EIF5A2: variants seen among roughly 807,000 people sequenced by gnomAD.
The protein encoded by EIF5A2 is eukaryotic translation initiation factor 5A-2.
EIF5A2 carries 15 observed loss-of-function variants against 16.4 expected under a neutral mutation model. The ratio of observed to expected loss-of-function variants is 0.92; its 90% confidence interval spans 0.61 to 1.41. The LOEUF is 1.41. Among genes scored for constraint, EIF5A2 ranks in the 40% most tolerant of loss-of-function variants. The pLI, the probability that EIF5A2 is intolerant of heterozygous loss-of-function variation, is 0.00. For synonymous variants in EIF5A2, 48 were observed against 61.1 expected, an observed-to-expected ratio of 0.79 and a Z score of 1.00; for missense variants, 144 against 189.5, an observed-to-expected ratio of 0.76 and a Z score of 1.41.
rs1485305689 is a variant in EIF5A2, at chr3:170,890,445, G to A, written c.*2915C>T. 6.6e-6 allele frequency: 1 copy of A among 152,028 alleles called. No individual in the cohort carries two copies. The highest frequency in any genetic ancestry group is 2.4e-5 in the African/African-American group (1 of 41,398). 9.4% of individuals were successfully genotyped at this position (152,028 alleles called of 1,614,324 possible). A position where few individuals can be genotyped will look rare whatever the true frequency, so the allele number is the denominator to read the frequency against. On this transcript the variant is annotated 3_prime_UTR_variant, in exon 5 of 5. Coordinates refer to ENST00000295822, the MANE Select transcript of EIF5A2 (RefSeq NM_020390.6). ...GACTTGTATCATTAAGGGAAACAGA[G>A]TCAAGAGCTTGGTTAGCAACAGTTT...
At chr3:170,893,505 T>C in intron 4 of EIF5A2, 86 bp from the exon 5 acceptor site, 1 of 1,418,566 alleles carries the variant, frequency 7.0e-7, no homozygotes, top group Non-Finnish European at 9.7e-7. Context: ...TGTATATTTG[T>C]GGATATTTTG....
intron 3 of EIF5A2, among the ~76,000 whole-genome samples, chr3:170,905,905 T>G (rs1472077293): frequency 6.6e-6 from 1 of 152,028 alleles, no homozygotes; most frequent in Non-Finnish European, 1.5e-5. Flanking sequence ...AAAAACCCAC[T>G]TGCAAGACAA....
At position 170,889,787 on chromosome 3, in the gene EIF5A2, A is replaced by G. The variant is rs1346285048; in HGVS notation, c.*3573T>C. 2 of 152,472 alleles carry G rather than the reference A, an allele frequency of 1.3e-5. No individual in the cohort carries two copies. Among genetic ancestry groups the G allele is most frequent in the Admixed American group, 1.3e-4 (2 of 15,262 alleles). The allele number at this position is 152,472 out of a possible 1,614,324, so 9.4% of individuals were successfully genotyped here. A position where few individuals can be genotyped will look rare whatever the true frequency, so the allele number is the denominator to read the frequency against. ...TACATCAATGCCTGGCTCCAAAACT[A>G]TCTCTGGGGTCCATGCCAAAGGAAT... On this transcript the variant is annotated 3_prime_UTR_variant, in exon 5 of 5. Coordinates refer to ENST00000295822, the MANE Select transcript of EIF5A2 (RefSeq NM_020390.6).
intron 3 of EIF5A2, among the ~76,000 whole-genome samples, chr3:170,903,167 T>C (rs1038347742): frequency 3.3e-5 from 5 of 152,224 alleles, no homozygotes; most frequent in African/African-American, 9.6e-5. Flanking sequence ...ACTCTGCATA[T>C]GGATTTGCCT....
chr3:170,899,353 C>A (rs1269734623), intron 3 of EIF5A2, among the ~76,000 whole-genome samples: 1 of 151,996 alleles, frequency 6.6e-6, no homozygotes, highest in Non-Finnish European at 1.5e-5. Context: ...ACTCAGCCTC[C>A]CGAGTTACTG....
At position 170,892,867 on chromosome 3, in the gene EIF5A2, T is replaced by C. The variant is rs979743468; in HGVS notation, c.*493A>G. The C allele has an allele frequency of 2.5e-6, 1 of 398,876 alleles. No homozygotes were observed. Among genetic ancestry groups the C allele is most frequent in the Non-Finnish European group, 4.4e-6 (1 of 226,064 alleles). 24.7% of individuals were successfully genotyped at this position (398,876 alleles called of 1,614,324 possible). A position where few individuals can be genotyped will look rare whatever the true frequency, so the allele number is the denominator to read the frequency against. ...AAATAACTGACAGTTTTTGATAACA[T>C]GATTTTTGTTTAAGGATTTGTGTTT... On this transcript the variant is annotated 3_prime_UTR_variant, in exon 5 of 5. Transcript: ENST00000295822.
chr3:170,894,219 T>A lies in EIF5A2; in HGVS notation c.402+73A>T, dbSNP rs892984710. 2.6e-6 allele frequency: 4 copies of A among 1,519,258 alleles called. No homozygotes were observed. The African/African-American group carries it at 5.5e-5, about 21-fold the overall frequency. The allele number at this position is 1,519,258 out of a possible 1,614,324, so 94.1% of individuals were successfully genotyped here. A position where few individuals can be genotyped will look rare whatever the true frequency, so the allele number is the denominator to read the frequency against. On this transcript the variant is annotated intron_variant, in intron 4 of 4. Transcript: ENST00000295822. ...TTTAAACCACATTCCATATGTAGTATTTTATGTTAACTAGTTGAGGTCAAA... is the reference window on the plus strand; with the variant it reads ...TTTAAACCACATTCCATATGTAGTAATTTATGTTAACTAGTTGAGGTCAAA...
Position 170,907,014 on chromosome 3 carries a change from G to A in EIF5A2, c.245C>T (p.Pro82Leu), listed in dbSNP as rs1712951506. 2 of 1,607,006 alleles carry A rather than the reference G, an allele frequency of 1.2e-6. No individual in the cohort carries two copies. The highest frequency in any genetic ancestry group is 1.7e-6 in the Non-Finnish European group (2 of 1,176,164). Residue 82 changes from proline to leucine, a missense_variant, in exon 3 of 5, where the codon CCA becomes CTA. Coordinates refer to ENST00000295822, the MANE Select transcript of EIF5A2 (RefSeq NM_020390.6). ...TTGATAATCATTTCTCTTAATATTT[G>A]GAACATCCATGTTGTGAGTAGAAGG... Reference protein sequence around the residue: ...ICPSTHNMDVPNIKRNDYQLI... With the variant: ...ICPSTHNMDVLNIKRNDYQLI...
In EIF5A2 at chr3:170,893,432, A is replaced by G; in HGVS notation, c.403-13T>C. 6.2e-7 allele frequency: 1 copy of G among 1,613,758 alleles called. No individual in the cohort carries two copies. Among genetic ancestry groups the G allele is most frequent in the Non-Finnish European group, 8.5e-7 (1 of 1,179,910 alleles). Reference sequence around the variant, plus strand: ...ACATGACAGACACCTAGAAGGAAAAAAGCAGGCAAAACGTTATTCAGAAGA... The same window carrying G: ...ACATGACAGACACCTAGAAGGAAAAGAGCAGGCAAAACGTTATTCAGAAGA... On this transcript the variant is annotated splice_polypyrimidine_tract_variant and intron_variant, in intron 4 of 4. Coordinates refer to ENST00000295822, the MANE Select transcript of EIF5A2 (RefSeq NM_020390.6).
chr3:170,904,027 T>C (rs1712874179), intron 3 of EIF5A2, among the ~76,000 whole-genome samples: 1 of 152,222 alleles, frequency 6.6e-6, no homozygotes, highest in Non-Finnish European at 1.5e-5. Flanking sequence ...CACAGAACTT[T>C]CTAAAGAAAT....
Position 170,889,178 on chromosome 3 carries a change from G to C in EIF5A2, c.*4182C>G, listed in dbSNP as rs1349778851. ...AAAGCCTGGTATGCATTGCCATAAA[G>C]TGCATCTTTTACATAAGGAAAACAT... On this transcript the variant is annotated 3_prime_UTR_variant, in exon 5 of 5. Transcript: ENST00000295822. 6.8e-6 allele frequency: 1 copy of C among 147,194 alleles called. No individual in the cohort carries two copies. Among genetic ancestry groups the C allele is most frequent in the Non-Finnish European group, 1.5e-5 (1 of 67,354 alleles). 9.1% of individuals were successfully genotyped at this position (147,194 alleles called of 1,614,324 possible).
chr3:170,897,665 G>A (rs527788028), intron 3 of EIF5A2, among the ~76,000 whole-genome samples: 11 of 152,352 alleles, frequency 7.2e-5, no homozygotes, highest in African/African-American at 2.6e-4. Context: ...ATGCCTGGAG[G>A]TCCAAGCAGA....
intron 3 of EIF5A2, among the ~76,000 whole-genome samples, chr3:170,903,774 ATAC>A (rs1437332553): frequency 6.6e-6 from 1 of 152,242 alleles, no homozygotes. Flanking sequence ...TTCAAATGAT[ATAC>A]TACTTATTTG....
chr3:170,901,505 G>C (rs1444116475), intron 3 of EIF5A2, among the ~76,000 whole-genome samples: 1 of 151,910 alleles, frequency 6.6e-6, no homozygotes, highest in Non-Finnish European at 1.5e-5. Flanking sequence ...GCCTGCATTT[G>C]TACTACTGAT....
Position 170,905,942 on chromosome 3 carries a change from C to A in EIF5A2, c.270+1047G>T, listed in dbSNP as rs756729474. Among the ~76,000 whole-genome samples the A allele has an allele frequency of 2.0e-4, 31 of 152,090 alleles. 1 individual carries two copies. The highest frequency in any genetic ancestry group is 3.4e-4 in the Non-Finnish European group (23 of 67,970). Reference sequence around the variant, plus strand: ...TCAAATTTCTACAAAGACTTCAAAGCAACCTAGAAAACATTTATGACAAGT... The same window carrying A: ...TCAAATTTCTACAAAGACTTCAAAGAAACCTAGAAAACATTTATGACAAGT... On this transcript the variant is annotated intron_variant, in intron 3 of 4. Transcript: ENST00000295822.
At chr3:170,894,737 G>T (rs1443566610) in intron 3 of EIF5A2, among the ~76,000 whole-genome samples, 1 of 150,566 alleles carries the variant, frequency 6.6e-6, no homozygotes, top group East Asian at 1.9e-4. Flanking sequence ...AATCAAAATG[G>T]GATATTGGGC....
chr3:170,908,202 G>A (rs1712990904), intron 1 of EIF5A2, among the ~76,000 whole-genome samples: 1 of 152,192 alleles, frequency 6.6e-6, no homozygotes. Flanking sequence ...GGGGGACCCA[G>A]CCCAGGCCGC....
At position 170,892,246 on chromosome 3, in the gene EIF5A2, G is replaced by A. The variant is rs921052998; in HGVS notation, c.*1114C>T. On this transcript the variant is annotated 3_prime_UTR_variant, in exon 5 of 5. Transcript: ENST00000295822. ...GTTCAAGACCAGCCTAGACAACATG[G>A]TGAAACCCCATCTCTACTAAAATAC... 1 of 152,270 alleles carries A rather than the reference G, an allele frequency of 6.6e-6. No individual in the cohort carries two copies. The highest frequency in any genetic ancestry group is 2.4e-5 in the African/African-American group (1 of 41,368). 9.4% of individuals were successfully genotyped at this position (152,270 alleles called of 1,614,324 possible).
At chr3:170,897,524 C>T (rs1712703307) in intron 3 of EIF5A2, among the ~76,000 whole-genome samples, 1 of 152,222 alleles carries the variant, frequency 6.6e-6, no homozygotes, top group African/African-American at 2.4e-5. Context: ...CAAGGTACAG[C>T]TTGGGCTGTT....
Sources: allele counts gnomAD v4.1 joint callset (sites outside exome capture counted in the v4.1 genomes callset), GRCh38; gene constraint gnomAD v4.1.1; transcripts MANE v1.5; gene names NCBI Gene and HGNC (gene_info 2026-07-23, HGNC 2026-07-21).